PCCA: variants seen among roughly 807,000 people sequenced by gnomAD.
PCCA encodes the protein propionyl-CoA carboxylase alpha chain, mitochondrial.
Under a neutral mutation model 101.3 loss-of-function variants are expected in PCCA, and 74 were observed. The observed-to-expected ratio is 0.73, with a 90% CI of 0.61 to 0.89. PCCA has a LOEUF of 0.89. Ranked by LOEUF, PCCA falls within the 40% of genes least tolerant of loss-of-function variation. The pLI, the probability that PCCA is intolerant of heterozygous loss-of-function variation, is 0.00. For missense variants in PCCA, 891 were observed against 907.0 expected, an observed-to-expected ratio of 0.98 and a Z score of 0.23; for synonymous variants, 294 against 313.6, an observed-to-expected ratio of 0.94 and a Z score of 0.66.
At chr13:100,440,510 G>T (rs2080294011) in intron 20 of PCCA, among the ~76,000 whole-genome samples, 1 of 151,236 alleles carries the variant, frequency 6.6e-6, no homozygotes, top group East Asian at 1.9e-4. Flanking sequence ...ATAAACTTTA[G>T]TTTTAATCCT....
At chr13:100,352,614 G>A (rs769461428) in intron 18 of PCCA, among the ~76,000 whole-genome samples, 26 of 151,824 alleles carry the variant, frequency 1.7e-4, no homozygotes, top group Non-Finnish European at 3.1e-4. Context: ...GGCAAGTCTC[G>A]AACTCCTGGG....
rs75069223 is a variant in PCCA at position 100,090,227 on chromosome 13, A to G, written c.105+1002A>G. On this transcript the variant is annotated intron_variant, in intron 1 of 23. Coordinates refer to ENST00000376285, the MANE Select transcript of PCCA (RefSeq NM_000282.4). ...TTTAAAGAGGAGGGAACCGAGCCCC[A>G]GGTGGGCAGTATGAGAGCTGGAGCT... 7.9e-5 allele frequency among the ~76,000 whole-genome samples: 12 copies of G among 152,354 alleles called. No homozygotes were observed. The East Asian group carries it at 2.3e-3, about 29-fold the overall frequency.
chr13:100,392,910 A>AG (rs1567056965), intron 19 of PCCA, among the ~76,000 whole-genome samples: 1 of 152,058 alleles, frequency 6.6e-6, no homozygotes, highest in African/African-American at 2.4e-5. Flanking sequence ...TCACCCAGGG[A>AG]AGTGACTCAC....
intron 18 of PCCA, among the ~76,000 whole-genome samples, chr13:100,364,678 C>T (rs112101861): frequency 0.013 from 2,046 of 152,278 alleles, 47 homozygotes; most frequent in African/African-American, 0.045. Flanking sequence ...TTCACAGTTT[C>T]GACTCTGTTT....
chr13:100,527,625 A>C, intron 22 of PCCA, 50 bp from the exon 23 acceptor site: 1 of 1,261,116 alleles, frequency 7.9e-7, no homozygotes, highest in Admixed American at 1.7e-5. Flanking sequence ...CCTAAGTGTT[A>C]ATGCAAAATT....
chr13:100,422,070 T>TTTCTTTCTTTCTTTCTTTC (rs10668689), intron 19 of PCCA, among the ~76,000 whole-genome samples: 1,469 of 110,684 alleles, frequency 0.013, 91 homozygotes, highest in East Asian at 0.023. Flanking sequence ...TTCTCTTTTC[T>TTTCTTTCTTTCTTTCTTTC]TTTCTTTCTT....
intron 4 of PCCA, among the ~76,000 whole-genome samples, chr13:100,146,549 T>C (rs1743921424): frequency 6.8e-6 from 1 of 147,768 alleles, no homozygotes; most frequent in African/African-American, 2.5e-5. Flanking sequence ...CACTCCAGCC[T>C]AGGCAACAGA....
In PCCA at chr13:100,457,973, C is replaced by T. The variant is rs141028980; in HGVS notation, c.1899+8668C>T. Among the ~76,000 whole-genome samples, 919 of 152,194 alleles carry T rather than the reference C, an allele frequency of 6.0e-3. 16 individuals are homozygous for T. Among genetic ancestry groups the T allele is most frequent in the African/African-American group, 0.014 (587 of 41,528 alleles). On this transcript the variant is annotated intron_variant, in intron 21 of 23. Transcript: ENST00000376285. ...TAGTAGACTGGGATCTCAGTGTTGA[C>T]TTATTGCTAATGCGTAGCCCAGCTT...
intron 21 of PCCA, among the ~76,000 whole-genome samples, chr13:100,466,705 A>G (rs2082547503): frequency 6.6e-6 from 1 of 152,114 alleles, no homozygotes; most frequent in African/African-American, 2.4e-5. Context: ...TAAAAATACA[A>G]AAATTAGCTG....
rs11843919 is a variant in PCCA at position 100,140,573 on chromosome 13, G to A, written c.301-14406G>A. Among the ~76,000 whole-genome samples the A allele has an allele frequency of 5.6e-4, 85 of 152,262 alleles. 1 individual carries two copies. The highest frequency in any genetic ancestry group is 1.8e-3 in the African/African-American group (75 of 41,552). The stretch of plus-strand genomic sequence containing the variant: ...TTGCATTTCAGGCTTTTCCAAGGTC[G>A]GTCAGGGAGATCATGGGAGGAAAAG... On this transcript the variant is annotated intron_variant, in intron 4 of 23. Transcript: ENST00000376285.
intron 6 of PCCA, among the ~76,000 whole-genome samples, chr13:100,157,608 G>C (rs1186849065): frequency 6.6e-6 from 1 of 152,130 alleles, no homozygotes; most frequent in African/African-American, 2.4e-5. Context: ...TTGAATTAAA[G>C]TTAAAAACTT....
At chr13:100,529,162 A>G (rs2088148014) in intron 23 of PCCA, among the ~76,000 whole-genome samples, 1 of 152,172 alleles carries the variant, frequency 6.6e-6, no homozygotes, top group Non-Finnish European at 1.5e-5. Flanking sequence ...GCCCCCGTGC[A>G]AAGTAGCAGG....
intron 4 of PCCA, among the ~76,000 whole-genome samples, chr13:100,133,187 C>T (rs919194856): frequency 6.6e-6 from 1 of 152,166 alleles, no homozygotes; most frequent in Non-Finnish European, 1.5e-5. Flanking sequence ...GCTTATTTGC[C>T]ATCCATGTAT....
chr13:100,427,574 G>A (rs2079240000), intron 20 of PCCA, among the ~76,000 whole-genome samples: 1 of 151,952 alleles, frequency 6.6e-6, no homozygotes, highest in Non-Finnish European at 1.5e-5. Flanking sequence ...TAAGTACTTT[G>A]CTACTAAAAG....
At chr13:100,122,311 T>C (rs2049485429) in intron 4 of PCCA, among the ~76,000 whole-genome samples, 1 of 152,158 alleles carries the variant, frequency 6.6e-6, no homozygotes, top group African/African-American at 2.4e-5. Context: ...GCAGTTTTCT[T>C]ATGATGTCTT....
chr13:100,494,189 A>AAAATAAAT (rs3058405), intron 21 of PCCA, among the ~76,000 whole-genome samples: 160 of 151,964 alleles, frequency 1.1e-3, no homozygotes, highest in African/African-American at 3.5e-3. Context: ...TCTGTCTCAA[A>AAAATAAAT]AAATAAATAA....
At chr13:100,133,367 AGTGTCT>A (rs1411066321) in intron 4 of PCCA, among the ~76,000 whole-genome samples, 25 of 152,194 alleles carry the variant, frequency 1.6e-4, no homozygotes, top group African/African-American at 5.8e-4. Context: ...TCCTCTTGAC[AGTGTCT>A]ACTGCAGATC....
In PCCA at chr13:100,449,342, A is replaced by T. The variant is rs769726117; in HGVS notation, c.1899+37A>T. On this transcript the variant is annotated intron_variant, in intron 21 of 23. Coordinates refer to ENST00000376285, the MANE Select transcript of PCCA (RefSeq NM_000282.4). Reference sequence around the variant, plus strand: ...ATCATTCTTTATTCTCTTAATTTACAGAGAAAAAATGTTCAACTAGTTGTA... The same window carrying T: ...ATCATTCTTTATTCTCTTAATTTACTGAGAAAAAATGTTCAACTAGTTGTA... The T allele has an allele frequency of 4.6e-6, 6 of 1,306,324 alleles. No individual in the cohort carries two copies. In the South Asian group the frequency reaches 7.8e-5, roughly 17 times the overall value. The allele number at this position is 1,306,324 out of a possible 1,614,324, so 80.9% of individuals were successfully genotyped here.
At chr13:100,402,022 G>A (rs1428858593) in intron 19 of PCCA, among the ~76,000 whole-genome samples, 2 of 152,238 alleles carry the variant, frequency 1.3e-5, no homozygotes, top group South Asian at 2.1e-4. Flanking sequence ...CGTGTGCGTG[G>A]TGATGAGATG....
Sources: gnomAD v4.1 joint callset for allele counts (sites outside exome capture counted in the v4.1 genomes callset) on GRCh38, gnomAD v4.1.1 for gene constraint, MANE v1.5 for transcripts, NCBI Gene and HGNC (gene_info 2026-07-23, HGNC 2026-07-21) for gene names.